Variants in SMC3 observed in about 807,000 individuals in gnomAD.
SMC3 encodes the protein structural maintenance of chromosomes 3.
Under a neutral mutation model 171.8 loss-of-function variants are expected in SMC3, and 20 were observed. That is an observed-to-expected ratio of 0.12 (90% CI 0.08 to 0.17). The LOEUF is 0.17. Among genes scored for constraint, SMC3 ranks in the 10% least tolerant of loss-of-function variants. The pLI, the probability that SMC3 is intolerant of heterozygous loss-of-function variation, is 1.00. For synonymous variants in SMC3, 464 were observed against 451.1 expected, an observed-to-expected ratio of 1.03 and a Z score of -0.36; for missense variants, 543 against 1,420.4, an observed-to-expected ratio of 0.38 and a Z score of 9.93.
chr10:110,573,785 G>C, intron 3 of SMC3, 40 bp downstream of exon 3: 1 of 1,194,528 alleles, frequency 8.4e-7, no homozygotes, highest in Non-Finnish European at 1.2e-6. Flanking sequence ...ATTAAGACCT[G>C]GGTATCTTAG....
At chr10:110,578,004 T>C in intron 6 of SMC3, 90 bp downstream of exon 6, 1 of 877,062 alleles carries the variant, frequency 1.1e-6, no homozygotes, top group Non-Finnish European at 1.9e-6. Flanking sequence ...TCTCGAACTC[T>C]TGGCCTCAAA....
rs2134756658 is a variant in SMC3 at position 110,604,961 on chromosome 10, C to T, written c.*659C>T. 6.6e-6 allele frequency among the ~76,000 whole-genome samples: 1 copy of T among 152,292 alleles called. No individual in the cohort carries two copies. The highest frequency in any genetic ancestry group is 1.5e-5 in the Non-Finnish European group (1 of 68,008). Reference sequence around the variant, plus strand: ...GAGGATACATTACATTTACTTACATCTCCTCTAGTCTGTGACAATTTCTCT... The same window carrying T: ...GAGGATACATTACATTTACTTACATTTCCTCTAGTCTGTGACAATTTCTCT... On this transcript the variant is annotated 3_prime_UTR_variant, in exon 29 of 29. Coordinates refer to ENST00000361804, the MANE Select transcript of SMC3 (RefSeq NM_005445.4).
chr10:110,586,406 T>G (rs1023243695), intron 13 of SMC3, among the ~76,000 whole-genome samples: 1 of 152,194 alleles, frequency 6.6e-6, no homozygotes, highest in Non-Finnish European at 1.5e-5. Flanking sequence ...TTTATATGGT[T>G]AGTATAGTCT....
intron 13 of SMC3, among the ~76,000 whole-genome samples, chr10:110,587,467 G>T (rs1196239662): frequency 6.6e-6 from 1 of 152,142 alleles, no homozygotes; most frequent in Non-Finnish European, 1.5e-5. Context: ...GGATCACGAG[G>T]TCAGGAGATC....
At chr10:110,596,621 T>C in intron 19 of SMC3, 71 bp downstream of exon 19, 1 of 1,435,058 alleles carries the variant, frequency 7.0e-7, no homozygotes, top group Non-Finnish European at 9.5e-7. Flanking sequence ...CCATATATAA[T>C]CTTTTGTTTT....
intron 1 of SMC3, chr10:110,568,201 C>A (rs975973867): frequency 4.4e-4 from 162 of 364,626 alleles, no homozygotes; most frequent in Non-Finnish European, 7.6e-4. Flanking sequence ...GCTGTGTGGT[C>A]CTGCAGGGGT....
intron 22 of SMC3, 46 bp downstream of exon 22, chr10:110,600,592 C>T (rs768155594): frequency 2.3e-5 from 22 of 942,962 alleles, no homozygotes; most frequent in Non-Finnish European, 3.5e-5. Context: ...CCTTGGTGGC[C>T]ATGACCTATT....
intron 1 of SMC3, 103 bp from the exon 2 acceptor site, chr10:110,568,835 A>C: frequency 1.4e-6 from 1 of 691,022 alleles, no homozygotes; most frequent in Non-Finnish European, 2.6e-6. Flanking sequence ...TGAAATTTCG[A>C]GTTTTCTATA....
intron 2 of SMC3, among the ~76,000 whole-genome samples, 154 bp downstream of exon 2, chr10:110,569,167 A>G (rs1279778623): frequency 6.6e-6 from 1 of 152,338 alleles, no homozygotes; most frequent in Middle Eastern, 3.4e-3. Flanking sequence ...TATTGCACTG[A>G]TGAATTGCTT....
chr10:110,584,718 C>T (rs1236947053), intron 13 of SMC3, among the ~76,000 whole-genome samples: 1 of 152,130 alleles, frequency 6.6e-6, no homozygotes, highest in African/African-American at 2.4e-5. Context: ...CTCCACCTTC[C>T]AGGCTCAGCG....
chr10:110,585,603 T>A (rs559315842), intron 13 of SMC3, among the ~76,000 whole-genome samples: 19 of 151,518 alleles, frequency 1.3e-4, no homozygotes, highest in Middle Eastern at 3.4e-3. Context: ...TTTTTTTTTT[T>A]AAAACTTCAT....
At chr10:110,602,242 T>G in intron 25 of SMC3, 64 bp downstream of exon 25, 2 of 1,448,600 alleles carry the variant, frequency 1.4e-6, no homozygotes, top group South Asian at 2.3e-5. Flanking sequence ...TCTTTTCAGT[T>G]TGTAAAGATT....
At chr10:110,586,530 C>G (rs974902337) in intron 13 of SMC3, among the ~76,000 whole-genome samples, 3 of 152,192 alleles carry the variant, frequency 2.0e-5, no homozygotes, top group African/African-American at 7.2e-5. Flanking sequence ...AGAATTTATT[C>G]ATTTTTTGTC....
At chr10:110,577,970 GTAT>G in intron 6 of SMC3, 56 bp downstream of exon 6, 1 of 1,195,770 alleles carries the variant, frequency 8.4e-7, no homozygotes, top group South Asian at 1.2e-5. Context: ...TAGAGATGGG[GTAT>G]TGCTGTGTTG....
At chr10:110,593,954 C>T (rs893169020) in intron 18 of SMC3, among the ~76,000 whole-genome samples, 1 of 152,116 alleles carries the variant, frequency 6.6e-6, no homozygotes, top group Admixed American at 6.5e-5. Context: ...CACCCCTGCA[C>T]TCCAGCCTGG....
intron 3 of SMC3, 61 bp downstream of exon 3, chr10:110,573,806 T>A: frequency 9.1e-7 from 1 of 1,095,540 alleles, no homozygotes; most frequent in Non-Finnish European, 1.4e-6. Flanking sequence ...GGTAGATTAT[T>A]AAAATCATTA....
At position 110,593,058 on chromosome 10, in the gene SMC3, A is replaced by C. The variant is rs771497645; in HGVS notation, c.1813-15A>C. 1.2e-6 allele frequency: 2 copies of C among 1,610,664 alleles called. No individual in the cohort carries two copies. The highest frequency in any genetic ancestry group is 1.3e-5 in the African/African-American group (1 of 74,856). The stretch of plus-strand genomic sequence containing the variant: ...CTGTGTTGTGATCTCTCTGTTGACA[A>C]AATTTCATTTTTAGGATGCTATTCC... On this transcript the variant is annotated splice_polypyrimidine_tract_variant and intron_variant, in intron 17 of 28. Coordinates refer to ENST00000361804, the MANE Select transcript of SMC3 (RefSeq NM_005445.4).
At chr10:110,585,251 G>T (rs1161528819) in intron 13 of SMC3, among the ~76,000 whole-genome samples, 2 of 150,034 alleles carry the variant, frequency 1.3e-5, no homozygotes, top group Non-Finnish European at 3.0e-5. Flanking sequence ...AAGTGCTGGG[G>T]TTACAGGCGT....
chr10:110,569,504 G>C (rs1860836371), intron 2 of SMC3, among the ~76,000 whole-genome samples: 1 of 152,088 alleles, frequency 6.6e-6, no homozygotes, highest in Non-Finnish European at 1.5e-5. Flanking sequence ...CCTGGGGGAG[G>C]GATAGCATTA....
Sources: gnomAD v4.1 joint callset for allele counts (sites outside exome capture counted in the v4.1 genomes callset) on GRCh38, gnomAD v4.1.1 for gene constraint, MANE v1.5 for transcripts, NCBI Gene and HGNC (gene_info 2026-07-23, HGNC 2026-07-21) for gene names.